Variants in SPATS1 observed in about 807,000 individuals in gnomAD.
SPATS1 encodes spermatogenesis-associated serine-rich protein 1.
SPATS1 carries 23 observed loss-of-function variants against 33.6 expected under a neutral mutation model. The observed-to-expected ratio is 0.68, with a 90% CI of 0.49 to 0.97. The LOEUF (loss-of-function observed/expected upper bound fraction) is 0.97. Among genes scored for constraint, SPATS1 ranks in the 50% least tolerant of loss-of-function variants. The pLI, the probability that SPATS1 is intolerant of heterozygous loss-of-function variation, is 0.00. For missense variants in SPATS1, 327 were observed against 361.0 expected, an observed-to-expected ratio of 0.91 and a Z score of 0.76; for synonymous variants, 131 against 125.6, an observed-to-expected ratio of 1.04 and a Z score of -0.29.
At chr6:44,365,283 G>T (rs116232113) in intron 5 of SPATS1, among the ~76,000 whole-genome samples, 1 of 152,332 alleles carries the variant, frequency 6.6e-6, no homozygotes, top group African/African-American at 2.4e-5. Flanking sequence ...TGTTGCCACA[G>T]AACAAAATGC....
At chr6:44,343,352 G>A in intron 2 of SPATS1, 118 bp downstream of exon 2, 2 of 1,267,484 alleles carry the variant, frequency 1.6e-6, no homozygotes, top group Non-Finnish European at 2.3e-6. Context: ...TAGTTTGGGG[G>A]CATGTAAAAA....
chr6:44,375,064 C>T (rs1417653803), intron 7 of SPATS1, among the ~76,000 whole-genome samples: 7 of 152,196 alleles, frequency 4.6e-5, no homozygotes, highest in African/African-American at 1.7e-4. Context: ...GTCACACTTC[C>T]TACTACCTAT....
At chr6:44,354,964 G>A (rs1284093152) in intron 3 of SPATS1, among the ~76,000 whole-genome samples, 2 of 152,132 alleles carry the variant, frequency 1.3e-5, no homozygotes, top group Non-Finnish European at 2.9e-5. Context: ...ACAGATGTGT[G>A]CAACCATGCC....
chr6:44,344,787 C>T (rs963933896), intron 2 of SPATS1, among the ~76,000 whole-genome samples: 1 of 152,174 alleles, frequency 6.6e-6, no homozygotes, highest in African/African-American at 2.4e-5. Context: ...CCCTTGAATT[C>T]CTTTCTGGTT....
intron 5 of SPATS1, among the ~76,000 whole-genome samples, chr6:44,364,883 C>T (rs1450739642): frequency 1.3e-5 from 2 of 151,838 alleles, no homozygotes; most frequent in African/African-American, 2.4e-5. Flanking sequence ...CTGCAACCTC[C>T]GCCCACTGAG....
chr6:44,357,819 A>G (rs1788682925), intron 3 of SPATS1, among the ~76,000 whole-genome samples: 2 of 152,176 alleles, frequency 1.3e-5, no homozygotes, highest in Non-Finnish European at 2.9e-5. Context: ...CCACTTCTTG[A>G]TAGTGATTGA....
intron 5 of SPATS1, among the ~76,000 whole-genome samples, chr6:44,363,327 TAGAGA>T (rs1789039669): frequency 6.6e-6 from 1 of 152,074 alleles, no homozygotes; most frequent in Non-Finnish European, 1.5e-5. Flanking sequence ...CTATTTTTAG[TAGAGA>T]CAGGGTTTCT....
chr6:44,358,278 T>C (rs1355115526), intron 3 of SPATS1, among the ~76,000 whole-genome samples: 1 of 152,194 alleles, frequency 6.6e-6, no homozygotes, highest in East Asian at 1.9e-4. Context: ...TAACAGATCA[T>C]TGTACCTGAA....
chr6:44,373,603 C>T (rs903030865), intron 7 of SPATS1, among the ~76,000 whole-genome samples: 1 of 152,124 alleles, frequency 6.6e-6, no homozygotes, highest in African/African-American at 2.4e-5. Flanking sequence ...AGTAATTGTG[C>T]TTGGAAATTT....
chr6:44,368,832 T>C (rs1299172024), intron 6 of SPATS1, among the ~76,000 whole-genome samples: 1 of 152,120 alleles, frequency 6.6e-6, no homozygotes, highest in Non-Finnish European at 1.5e-5. Flanking sequence ...GAAATAAACT[T>C]AGACCAAAGT....
intron 2 of SPATS1, among the ~76,000 whole-genome samples, chr6:44,345,503 G>T (rs1291305899): frequency 6.6e-6 from 1 of 152,184 alleles, no homozygotes; most frequent in Non-Finnish European, 1.5e-5. Flanking sequence ...GCTTGGGAAA[G>T]GACCCTCTCT....
chr6:44,368,096 G>A (rs1789356507), intron 5 of SPATS1, among the ~76,000 whole-genome samples: 1 of 152,178 alleles, frequency 6.6e-6, no homozygotes, highest in Non-Finnish European at 1.5e-5. Flanking sequence ...TCATTGCAAA[G>A]AAACCTCTGA....
At chr6:44,367,026 A>G (rs1475411798) in intron 5 of SPATS1, among the ~76,000 whole-genome samples, 2 of 151,992 alleles carry the variant, frequency 1.3e-5, no homozygotes, top group South Asian at 2.1e-4. Context: ...TTGTCACCCA[A>G]CTCTTACTTG....
chr6:44,354,084 G>T (rs2153366366), intron 3 of SPATS1, among the ~76,000 whole-genome samples: 1 of 149,934 alleles, frequency 6.7e-6, no homozygotes, highest in South Asian at 2.1e-4. Flanking sequence ...GGGCATGGTG[G>T]CTCACACCTA....
At chr6:44,345,451 A>G (rs1314832339) in intron 2 of SPATS1, among the ~76,000 whole-genome samples, 1 of 152,166 alleles carries the variant, frequency 6.6e-6, no homozygotes, top group Non-Finnish European at 1.5e-5. Flanking sequence ...CTGCTTAGGG[A>G]AATGCAGTAC....
intron 2 of SPATS1, among the ~76,000 whole-genome samples, chr6:44,346,291 A>AAAC (rs60566028): frequency 1.1e-4 from 16 of 149,818 alleles, no homozygotes; most frequent in Admixed American, 4.7e-4. Flanking sequence ...AAAAAAAAAA[A>AAAC]CAAACCCACA....
chr6:44,355,335 C>T lies in SPATS1; in HGVS notation c.287+2462C>T, dbSNP rs115884230. Among the ~76,000 whole-genome samples, 1,037 of 152,290 alleles carry T rather than the reference C, an allele frequency of 6.8e-3. 3 individuals are homozygous for T. Among genetic ancestry groups the T allele is most frequent in the Non-Finnish European group, 0.011 (752 of 68,032 alleles). On this transcript the variant is annotated intron_variant, in intron 3 of 8. Transcript: ENST00000674044. ...TTCATGTCATTTCACCACTTAATAG[C>T]TCATTTTTTCATTGCTGAAGAATAT...
intron 2 of SPATS1, among the ~76,000 whole-genome samples, chr6:44,351,991 T>C (rs574914242): frequency 2.0e-5 from 3 of 152,342 alleles, no homozygotes; most frequent in Admixed American, 2.0e-4. Flanking sequence ...CAGTGCTATA[T>C]AGCTCACTTC....
intron 5 of SPATS1, among the ~76,000 whole-genome samples, chr6:44,366,175 A>G (rs2153368793): frequency 6.7e-6 from 1 of 149,142 alleles, no homozygotes; most frequent in South Asian, 2.1e-4. Flanking sequence ...CCCAGGCTGG[A>G]GTGCAATGGT....
Sources: gnomAD v4.1 joint callset for allele counts (sites outside exome capture counted in the v4.1 genomes callset) on GRCh38, gnomAD v4.1.1 for gene constraint, MANE v1.5 for transcripts, NCBI Gene and HGNC (gene_info 2026-07-23, HGNC 2026-07-21) for gene names.